The following SNAP29 variants were observed in gnomAD, a reference collection of about 807,000 sequenced individuals.
SNAP29 encodes the protein synaptosomal-associated protein 29.
SNAP29 carries 13 observed loss-of-function variants against 27.9 expected under a neutral mutation model. That is an observed-to-expected ratio of 0.47 (90% CI 0.30 to 0.74). The LOEUF is 0.74. Among genes scored for constraint, SNAP29 ranks in the 30% least tolerant of loss-of-function variants. The probability of loss-of-function intolerance (pLI) is 0.06; values close to 1 mark genes in which losing one functional copy is unlikely to be tolerated. For synonymous variants in SNAP29, 119 were observed against 127.1 expected, an observed-to-expected ratio of 0.94 and a Z score of 0.43; for missense variants, 368 against 336.5, an observed-to-expected ratio of 1.09 and a Z score of -0.73.
At chr22:20,883,617 C>A in intron 4 of SNAP29, 48 bp downstream of exon 4, 1 of 1,220,162 alleles carries the variant, frequency 8.2e-7, no homozygotes, top group Non-Finnish European at 1.2e-6. Flanking sequence ...GTCCTTCAGG[C>A]AGCTTACGCC....
At position 20,874,050 on chromosome 22, in the gene SNAP29, C is replaced by T. The variant is rs1218367100; in HGVS notation, c.434+3517C>T. On this transcript the variant is annotated intron_variant, in intron 2 of 4. Coordinates refer to ENST00000215730, the MANE Select transcript of SNAP29 (RefSeq NM_004782.4). Reference sequence around the variant, plus strand: ...CAGCACTTTGGGAGGCCAAGGCCAACGGAGCACGAGGTCAGGAGATTGAGA... The same window carrying T: ...CAGCACTTTGGGAGGCCAAGGCCAATGGAGCACGAGGTCAGGAGATTGAGA... Among the ~76,000 whole-genome samples the T allele has an allele frequency of 3.4e-5, 5 of 148,934 alleles. No individual in the cohort carries two copies. In the South Asian group the frequency reaches 8.5e-4, roughly 25 times the overall value.
At chr22:20,860,402 C>T (rs1261988633) in intron 1 of SNAP29, among the ~76,000 whole-genome samples, 1 of 148,448 alleles carries the variant, frequency 6.7e-6, no homozygotes, top group African/African-American at 2.5e-5. Context: ...TGGAATCTCG[C>T]TCTGTCGCCC....
At chr22:20,881,714 G>GA (rs1274535098) in intron 3 of SNAP29, among the ~76,000 whole-genome samples, 1 of 152,108 alleles carries the variant, frequency 6.6e-6, no homozygotes, top group African/African-American at 2.4e-5. Context: ...TCTCAAAAAA[G>GA]AAAATGAGCG....
intron 2 of SNAP29, among the ~76,000 whole-genome samples, chr22:20,879,463 C>A (rs1304245851): frequency 6.7e-6 from 1 of 149,916 alleles, no homozygotes; most frequent in Non-Finnish European, 1.5e-5. Context: ...AGCTTGAACC[C>A]GGGAGATGGA....
intron 3 of SNAP29, among the ~76,000 whole-genome samples, chr22:20,882,886 G>A (rs189840532): frequency 3.3e-5 from 5 of 152,178 alleles, no homozygotes; most frequent in East Asian, 1.9e-4. Flanking sequence ...GGGCTTTTCC[G>A]TGTGCGTTTA....
At chr22:20,877,470 C>T (rs943901894) in intron 2 of SNAP29, among the ~76,000 whole-genome samples, 8 of 152,204 alleles carry the variant, frequency 5.3e-5, no homozygotes, top group African/African-American at 1.7e-4. Context: ...GCAGGAGAAT[C>T]GCTTGAACCA....
rs202138036 is a variant in SNAP29, at chr22:20,859,079, C to A, written c.-32C>A. 3.2e-6 allele frequency: 5 copies of A among 1,548,512 alleles called. No individual in the cohort carries two copies. The East Asian group carries it at 9.1e-5, about 28-fold the overall frequency. Reference sequence around the variant, plus strand: ...GGCGGCGGCAGTGGGGCTCCTCCTTCTGTTTCCCAGACCGAGAGCCGCGCC... The same window carrying A: ...GGCGGCGGCAGTGGGGCTCCTCCTTATGTTTCCCAGACCGAGAGCCGCGCC... On this transcript the variant is annotated 5_prime_UTR_variant, in exon 1 of 5. It adds an upstream start codon to the 5' untranslated region. Coordinates refer to ENST00000215730, the MANE Select transcript of SNAP29 (RefSeq NM_004782.4).
At position 20,888,298 on chromosome 22, in the gene SNAP29, T is replaced by G. The variant is rs1929067977; in HGVS notation, c.*462T>G. ...GGAGGGTCCTTCCCACACCTTTGTTTAGGAGTCATCATTCACACACACACA... is the reference window on the plus strand; with the variant it reads ...GGAGGGTCCTTCCCACACCTTTGTTGAGGAGTCATCATTCACACACACACA... On this transcript the variant is annotated 3_prime_UTR_variant, in exon 5 of 5. Coordinates refer to ENST00000215730, the MANE Select transcript of SNAP29 (RefSeq NM_004782.4). 3.8e-6 allele frequency: 1 copy of G among 262,470 alleles called. No individual in the cohort carries two copies. Among genetic ancestry groups the G allele is most frequent in the Non-Finnish European group, 7.0e-6 (1 of 141,998 alleles). The allele number at this position is 262,470 out of a possible 1,614,324, so 16.3% of individuals were successfully genotyped here. A position where few individuals can be genotyped will look rare whatever the true frequency, so the allele number is the denominator to read the frequency against.
intron 4 of SNAP29, 24 bp downstream of exon 4, chr22:20,883,593 T>C (rs1928942619): frequency 6.8e-7 from 1 of 1,479,044 alleles, no homozygotes; most frequent in Non-Finnish European, 9.5e-7. Context: ...CCACACCAGC[T>C]TCTGTAAGCC....
intron 2 of SNAP29, among the ~76,000 whole-genome samples, chr22:20,880,373 C>T (rs1389099519): frequency 1.3e-5 from 2 of 151,824 alleles, no homozygotes; most frequent in African/African-American, 4.8e-5. Context: ...TGGCACCTGC[C>T]TATAACTGTA....
chr22:20,874,411 C>T (rs139603562), intron 2 of SNAP29, among the ~76,000 whole-genome samples: 2 of 148,522 alleles, frequency 1.3e-5, no homozygotes, highest in East Asian at 2.0e-4. Context: ...ATTAGCCGGA[C>T]ATGGTGGTAC....
Position 20,890,100 on chromosome 22 carries a change from A to G in SNAP29, c.*2264A>G. On this transcript the variant is annotated 3_prime_UTR_variant, in exon 5 of 5. Transcript: ENST00000215730. ...TCCTGTGCTGAGGGGACTGTCCGTA[A>G]GCTACAGGACAGCGAGCTGGTCCTT... 2.5e-6 allele frequency: 1 copy of G among 395,950 alleles called. No individual in the cohort carries two copies. Among genetic ancestry groups the G allele is most frequent in the Admixed American group, 4.4e-5 (1 of 22,636 alleles). 24.5% of individuals were successfully genotyped at this position (395,950 alleles called of 1,614,324 possible). A position where few individuals can be genotyped will look rare whatever the true frequency, so the allele number is the denominator to read the frequency against.
intron 1 of SNAP29, among the ~76,000 whole-genome samples, chr22:20,866,703 C>T (rs1203723783): frequency 6.6e-6 from 1 of 152,160 alleles, no homozygotes; most frequent in Non-Finnish European, 1.5e-5. Context: ...TTCCTCTGCC[C>T]CTGCACAAGC....
Position 20,859,058 on chromosome 22 carries a change from G to GC in SNAP29, c.-52dup. On this transcript the variant is annotated 5_prime_UTR_variant, in exon 1 of 5. Coordinates refer to ENST00000215730, the MANE Select transcript of SNAP29 (RefSeq NM_004782.4). Reference sequence around the variant, plus strand: ...GGGCGGGGCGAGGCCCTGGACGGCGGCGGCAGTGGGGCTCCTCCTTCTGTT... The same window carrying GC: ...GGGCGGGGCGAGGCCCTGGACGGCGGCCGGCAGTGGGGCTCCTCCTTCTGTT... 6.8e-7 allele frequency: 1 copy of GC among 1,471,764 alleles called. No homozygotes were observed. Among genetic ancestry groups the GC allele is most frequent in the East Asian group, 2.3e-5 (1 of 43,224 alleles). The allele number at this position is 1,471,764 out of a possible 1,614,324, so 91.2% of individuals were successfully genotyped here.
chr22:20,872,685 C>T (rs1329219951), intron 2 of SNAP29, among the ~76,000 whole-genome samples: 2 of 151,996 alleles, frequency 1.3e-5, no homozygotes, highest in Admixed American at 6.6e-5. Flanking sequence ...CAGGCGTGAG[C>T]CACCACATCC....
rs529663832 is a variant in SNAP29, at chr22:20,879,001, A to G, written c.435-2048A>G. ...AACATACTTTCACAACTTTTTAGTG[A>G]CAAAATTTAAAATATAAAAACAGTG... On this transcript the variant is annotated intron_variant, in intron 2 of 4. Coordinates refer to ENST00000215730, the MANE Select transcript of SNAP29 (RefSeq NM_004782.4). 1.7e-3 allele frequency among the ~76,000 whole-genome samples: 258 copies of G among 152,320 alleles called. 2 individuals are homozygous for G. Among genetic ancestry groups the G allele is most frequent in the African/African-American group, 6.0e-3 (249 of 41,582 alleles).
chr22:20,880,674 T>TA, intron 2 of SNAP29, among the ~76,000 whole-genome samples: 2 of 152,224 alleles, frequency 1.3e-5, no homozygotes, highest in South Asian at 4.1e-4. Context: ...GAGGGCCACC[T>TA]AACTCGATGC....
chr22:20,863,524 A>G (rs1928383462), intron 1 of SNAP29, among the ~76,000 whole-genome samples: 1 of 152,232 alleles, frequency 6.6e-6, no homozygotes, highest in East Asian at 1.9e-4. Context: ...GGCTCAGGCC[A>G]CAGGCTATGA....
At chr22:20,865,736 A>G (rs528389187) in intron 1 of SNAP29, among the ~76,000 whole-genome samples, 2 of 152,300 alleles carry the variant, frequency 1.3e-5, no homozygotes, top group South Asian at 2.1e-4. Flanking sequence ...CATCAAATGA[A>G]AAAAGTGCAT....
Sources: gnomAD v4.1 joint callset for allele counts (sites outside exome capture counted in the v4.1 genomes callset) on GRCh38, gnomAD v4.1.1 for gene constraint, MANE v1.5 for transcripts, NCBI Gene and HGNC (gene_info 2026-07-23, HGNC 2026-07-21) for gene names.